TMEM74: variants seen among roughly 807,000 people sequenced by gnomAD.
The protein encoded by TMEM74 is transmembrane protein 74.
In TMEM74, 13 loss-of-function variants were observed where a neutral mutation model predicts 18.1. The observed-to-expected ratio is 0.72, with a 90% CI of 0.47 to 1.14. TMEM74 has a LOEUF of 1.14. TMEM74 is among the 50% of genes most tolerant of loss of function. The pLI is 0.00. For missense variants in TMEM74, 372 were observed against 375.9 expected (o/e 0.99, Z 0.09); for synonymous variants, 159 against 146.6 (o/e 1.08, Z -0.61).
At chr8:108,659,749 G>A (rs1466209172) in intron 1 of TMEM74, among the ~76,000 whole-genome samples, 1 of 152,092 alleles carries the variant, frequency 6.6e-6, no homozygotes, top group Admixed American at 6.6e-5. Context: ...ACCCCTCAAG[G>A]AGGACTTGTA....
chr8:108,733,196 C>T (rs1813712612), intron 1 of TMEM74, among the ~76,000 whole-genome samples: 1 of 152,118 alleles, frequency 6.6e-6, no homozygotes, highest in Non-Finnish European at 1.5e-5. Context: ...AAGCTTTGTT[C>T]TAGAATGTGT....
chr8:108,697,517 A>G (rs922390682), intron 1 of TMEM74, among the ~76,000 whole-genome samples: 1 of 152,156 alleles, frequency 6.6e-6, no homozygotes, highest in Non-Finnish European at 1.5e-5. Context: ...CCTGGGCTCA[A>G]GCAACCCTCC....
At chr8:108,670,682 A>C (rs1299507969) in intron 1 of TMEM74, among the ~76,000 whole-genome samples, 1 of 152,206 alleles carries the variant, frequency 6.6e-6, no homozygotes, top group Non-Finnish European at 1.5e-5. Flanking sequence ...GTGGAAAGTC[A>C]GGATACAGAA....
At chr8:108,682,424 C>T (rs1813125114) in intron 1 of TMEM74, among the ~76,000 whole-genome samples, 1 of 151,964 alleles carries the variant, frequency 6.6e-6, no homozygotes, top group Non-Finnish European at 1.5e-5. Flanking sequence ...CTTCTGAATA[C>T]ATAGAACAAC....
chr8:108,691,919 C>G (rs992312635), intron 1 of TMEM74, among the ~76,000 whole-genome samples: 5 of 151,704 alleles, frequency 3.3e-5, no homozygotes, highest in Admixed American at 6.6e-5. Context: ...TTCTGGGCAA[C>G]AGATTTTTTT....
intron 1 of TMEM74, among the ~76,000 whole-genome samples, chr8:108,700,186 C>T (rs568502018): frequency 5.5e-5 from 8 of 144,450 alleles, no homozygotes; most frequent in South Asian, 4.5e-4. Flanking sequence ...GGGGCACCCA[C>T]GTCAAGGGAC....
intron 1 of TMEM74, among the ~76,000 whole-genome samples, chr8:108,773,482 C>T (rs560797240): frequency 6.6e-6 from 1 of 152,112 alleles, no homozygotes; most frequent in Non-Finnish European, 1.5e-5. Flanking sequence ...AATATGTACG[C>T]ATTCCTTCTT....
intron 1 of TMEM74, among the ~76,000 whole-genome samples, chr8:108,704,432 T>A (rs1272410295): frequency 1.3e-5 from 2 of 152,224 alleles, no homozygotes; most frequent in African/African-American, 4.8e-5. Context: ...CCTCTGTCCA[T>A]GCACTTGTGT....
chr8:108,743,356 T>G lies in TMEM74; in HGVS notation n.119+44120A>C, dbSNP rs116248213. Among the ~76,000 whole-genome samples the G allele has an allele frequency of 8.2e-3, 1,245 of 152,308 alleles. 18 individuals are homozygous for G. The highest frequency in any genetic ancestry group is 0.029 in the African/African-American group (1,188 of 41,576). On this transcript the variant is annotated intron_variant and non_coding_transcript_variant, in intron 1 of 3. Transcript: ENST00000518838. ...TCTTTTGTATAATTTGAAAGCTGCT[T>G]CTTCTCCTTCTTGCAGCAAAACAAC...
At chr8:108,611,262 C>T (rs1416357239) in intron 2 of TMEM74, among the ~76,000 whole-genome samples, 1 of 152,054 alleles carries the variant, frequency 6.6e-6, no homozygotes, top group Non-Finnish European at 1.5e-5. Context: ...TTTCCCATTT[C>T]CATTTCCAAA....
At chr8:108,676,144 C>T (rs1294125282) in intron 1 of TMEM74, among the ~76,000 whole-genome samples, 2 of 152,120 alleles carry the variant, frequency 1.3e-5, no homozygotes, top group African/African-American at 2.4e-5. Context: ...TCAGGACTGG[C>T]TGGCAGAAAT....
chr8:108,772,479 A>G (rs1159897392), intron 1 of TMEM74, among the ~76,000 whole-genome samples: 3 of 152,198 alleles, frequency 2.0e-5, no homozygotes, highest in Non-Finnish European at 4.4e-5. Context: ...GAAATGACCA[A>G]TGCTTGAAAC....
At chr8:108,690,745 C>T (rs780326215) in intron 1 of TMEM74, among the ~76,000 whole-genome samples, 3 of 152,014 alleles carry the variant, frequency 2.0e-5, no homozygotes, top group South Asian at 2.1e-4. Flanking sequence ...TGGCTGAACC[C>T]GGGAGGCGGA....
chr8:108,621,671 G>A (rs565994713), intron 2 of TMEM74, among the ~76,000 whole-genome samples: 1 of 152,170 alleles, frequency 6.6e-6, no homozygotes, highest in African/African-American at 2.4e-5. Context: ...CTCTGCTGAG[G>A]TGTAGCTTGT....
At chr8:108,775,480 A>G (rs1814222722), downstream of TMEM74, among the ~76,000 whole-genome samples, 1 of 152,174 alleles carries the variant, frequency 6.6e-6, no homozygotes, top group African/African-American at 2.4e-5. Context: ...TTACAAACTT[A>G]GGCTTTTGTG....
At chr8:108,750,855 A>C (rs1358963046) in intron 1 of TMEM74, among the ~76,000 whole-genome samples, 4 of 151,972 alleles carry the variant, frequency 2.6e-5, no homozygotes, top group Non-Finnish European at 5.9e-5. Flanking sequence ...ACTGCACTTG[A>C]CCTTGGTGCC....
At chr8:108,727,361 T>A (rs1020403448) in intron 1 of TMEM74, among the ~76,000 whole-genome samples, 9 of 152,144 alleles carry the variant, frequency 5.9e-5, no homozygotes, top group Admixed American at 2.6e-4. Context: ...TAACTAATCT[T>A]GATTAGGAGG....
intron 2 of TMEM74, among the ~76,000 whole-genome samples, chr8:108,629,060 A>C (rs756753129): frequency 6.1e-4 from 93 of 152,054 alleles, no homozygotes; most frequent in Middle Eastern, 3.2e-3. Flanking sequence ...GATAGATTGC[A>C]AAAATTTTTT....
intron 1 of TMEM74, among the ~76,000 whole-genome samples, chr8:108,723,041 C>T (rs1813600965): frequency 6.6e-6 from 1 of 152,124 alleles, no homozygotes. Flanking sequence ...CCTTACAGGG[C>T]TGAGCACACA....
Sources: allele counts gnomAD v4.1 joint callset (sites outside exome capture counted in the v4.1 genomes callset), GRCh38; gene constraint gnomAD v4.1.1; transcripts MANE v1.5; gene names NCBI Gene and HGNC (gene_info 2026-07-23, HGNC 2026-07-21).